The following ATRNL1 variants were observed in gnomAD, a reference collection of about 807,000 sequenced individuals.
ATRNL1 encodes attractin-like protein 1.
ATRNL1 carries 95 observed loss-of-function variants against 182.7 expected under a neutral mutation model. That is an observed-to-expected ratio of 0.52 (90% CI 0.44 to 0.62). The LOEUF is 0.62. ATRNL1 is among the 20% of genes least tolerant of loss of function. ATRNL1 has a pLI of 0.00. For synonymous variants in ATRNL1, 576 were observed against 568.3 expected (o/e 1.01, Z -0.19); for missense variants, 1,471 against 1,679.5 (o/e 0.88, Z 2.17).
intron 26 of ATRNL1, among the ~76,000 whole-genome samples, chr10:115,698,398 G>A (rs544908991): frequency 4.1e-4 from 62 of 152,206 alleles, no homozygotes; most frequent in Non-Finnish European, 8.5e-4. Flanking sequence ...AATCATGAAG[G>A]CATTTTAAGA....
chr10:115,913,023 A>G (rs1300083895), intron 28 of ATRNL1, among the ~76,000 whole-genome samples: 2 of 152,192 alleles, frequency 1.3e-5, no homozygotes, highest in East Asian at 3.9e-4. Flanking sequence ...GTGTATGAAA[A>G]CGTTGATGTG....
Position 115,647,571 on chromosome 10 carries a change from T to A in ATRNL1, c.3796-79677T>A, listed in dbSNP as rs144504346. ...GCCAGCGATGATGAGCATTTTTTCA[T>A]GTGTCTGTTGGCTGCCTAAATGTCT... is the stretch of plus-strand genomic sequence containing the variant. On this transcript the variant is annotated intron_variant, in intron 26 of 28. Coordinates refer to ENST00000355044, the MANE Select transcript of ATRNL1 (RefSeq NM_207303.4). Among the ~76,000 whole-genome samples, 1,507 of 152,334 alleles carry A rather than the reference T, an allele frequency of 9.9e-3. 18 individuals are homozygous for A. The highest frequency in any genetic ancestry group is 0.034 in the African/African-American group (1,426 of 41,574).
At chr10:115,141,845 A>G (rs1267464871) in intron 5 of ATRNL1, among the ~76,000 whole-genome samples, 1 of 152,186 alleles carries the variant, frequency 6.6e-6, no homozygotes, top group Non-Finnish European at 1.5e-5. Context: ...GAGAGCTAAT[A>G]AAATTAAATT....
At chr10:115,242,051 A>G (rs1554903049) in intron 10 of ATRNL1, among the ~76,000 whole-genome samples, 1 of 152,052 alleles carries the variant, frequency 6.6e-6, no homozygotes, top group Admixed American at 6.6e-5. Context: ...GATAATGGGT[A>G]GATATGGAAT....
chr10:115,884,768 A>G (rs1951903934), intron 28 of ATRNL1, among the ~76,000 whole-genome samples: 1 of 152,224 alleles, frequency 6.6e-6, no homozygotes, highest in African/African-American at 2.4e-5. Context: ...TATCCCAGGT[A>G]CCTGGGAATA....
chr10:115,878,114 G>C (rs1182006900), intron 28 of ATRNL1, among the ~76,000 whole-genome samples: 7 of 152,238 alleles, frequency 4.6e-5, no homozygotes, highest in Admixed American at 4.6e-4. Flanking sequence ...TGCAGATCTA[G>C]TTTGAAGATT....
intron 24 of ATRNL1, among the ~76,000 whole-genome samples, chr10:115,517,107 A>G (rs1554984081): frequency 2.6e-5 from 4 of 152,000 alleles, no homozygotes; most frequent in Non-Finnish European, 5.9e-5. Flanking sequence ...AAGTAGATCA[A>G]TTTTGTGTCT....
chr10:115,207,332 A>G (rs1378282969), intron 8 of ATRNL1, among the ~76,000 whole-genome samples: 1 of 152,096 alleles, frequency 6.6e-6, no homozygotes, highest in Non-Finnish European at 1.5e-5. Flanking sequence ...CTATTTCTCC[A>G]CATCCTCTCC....
intron 13 of ATRNL1, 70 bp downstream of exon 13, chr10:115,268,514 TTAG>T (rs1386704015): frequency 9.4e-6 from 10 of 1,067,592 alleles, no homozygotes; most frequent in Non-Finnish European, 1.3e-5. Context: ...AGCTTACCAT[TTAG>T]TAGCACTGTA....
intron 20 of ATRNL1, among the ~76,000 whole-genome samples, chr10:115,406,661 G>A (rs1844844835): frequency 6.6e-6 from 1 of 151,962 alleles, no homozygotes; most frequent in Admixed American, 6.6e-5. Flanking sequence ...ATCACCGGTG[G>A]AATTTTCTCT....
chr10:115,214,041 T>TACAC (rs149167399), intron 8 of ATRNL1, among the ~76,000 whole-genome samples: 11,098 of 147,076 alleles, frequency 0.075, 729 homozygotes, highest in East Asian at 0.18. Context: ...TACAAATATG[T>TACAC]ACACACACAC....
chr10:115,604,415 G>A (rs975256197), intron 26 of ATRNL1, among the ~76,000 whole-genome samples: 5 of 152,086 alleles, frequency 3.3e-5, no homozygotes, highest in Non-Finnish European at 5.9e-5. Context: ...CTCCACTCTA[G>A]CTGGTTGGAG....
chr10:115,365,213 A>G (rs1856967367), intron 19 of ATRNL1, among the ~76,000 whole-genome samples: 1 of 152,212 alleles, frequency 6.6e-6, no homozygotes. Flanking sequence ...TTATTGGTCT[A>G]TTCAGAGATT....
intron 18 of ATRNL1, among the ~76,000 whole-genome samples, chr10:115,324,385 C>A (rs1854760427): frequency 6.6e-6 from 1 of 152,100 alleles, no homozygotes; most frequent in Non-Finnish European, 1.5e-5. Context: ...GCATAAAATG[C>A]TATCTAGTCC....
chr10:115,279,673 C>G (rs782315370), intron 13 of ATRNL1, among the ~76,000 whole-genome samples: 1 of 152,166 alleles, frequency 6.6e-6, no homozygotes, highest in East Asian at 1.9e-4. Context: ...AGGGAAGGAG[C>G]ATTCTACCAA....
chr10:115,532,507 A>T (rs1851658337), intron 25 of ATRNL1, among the ~76,000 whole-genome samples: 1 of 152,122 alleles, frequency 6.6e-6, no homozygotes, highest in African/African-American at 2.4e-5. Context: ...GTTGCTTATC[A>T]GTTTAAGGAG....
intron 9 of ATRNL1, among the ~76,000 whole-genome samples, chr10:115,225,216 G>A (rs77505870): frequency 6.6e-6 from 1 of 151,766 alleles, no homozygotes; most frequent in Non-Finnish European, 1.5e-5. Context: ...AGAAGTAATG[G>A]TCTATAATCT....
At chr10:115,449,198 T>C (rs536182734) in intron 21 of ATRNL1, among the ~76,000 whole-genome samples, 3 of 151,972 alleles carry the variant, frequency 2.0e-5, no homozygotes, top group Non-Finnish European at 4.4e-5. Context: ...TCTGTACCCA[T>C]AAAAACCACA....
intron 27 of ATRNL1, among the ~76,000 whole-genome samples, chr10:115,842,129 TATATC>T (rs1950824181): frequency 4.5e-5 from 2 of 44,766 alleles, no homozygotes; most frequent in South Asian, 1.5e-3. Flanking sequence ...ATTTCACTCA[TATATC>T]AGATTAGGAT....
Sources: gnomAD v4.1 joint callset for allele counts (sites outside exome capture counted in the v4.1 genomes callset) on GRCh38, gnomAD v4.1.1 for gene constraint, MANE v1.5 for transcripts, NCBI Gene and HGNC (gene_info 2026-07-23, HGNC 2026-07-21) for gene names.